PNKD: variants seen among roughly 807,000 people sequenced by gnomAD.
PNKD encodes the protein PNKD metallo-beta-lactamase domain containing, also known as probable thioesterase PNKD.
PNKD carries 36 observed loss-of-function variants against 45.3 expected under a neutral mutation model. The observed-to-expected ratio is 0.80, with a 90% CI of 0.61 to 1.05. PNKD has a LOEUF of 1.05. Among genes scored for constraint, PNKD ranks in the 50% least tolerant of loss-of-function variants. The pLI is 0.00. For synonymous variants in PNKD, 197 were observed against 210.1 expected, an observed-to-expected ratio of 0.94 and a Z score of 0.54; for missense variants, 511 against 506.6, an observed-to-expected ratio of 1.01 and a Z score of -0.08.
At position 218,345,038 on chromosome 2, in the gene PNKD, A is replaced by G; in HGVS notation, c.*57A>G. On this transcript the variant is annotated 3_prime_UTR_variant, in exon 10 of 10. Transcript: ENST00000273077. ...CCGCATGGGGAGGCCGCCACCACCA[A>G]CACCTCATCATCCTTCTCATCGCTA... The G allele has an allele frequency of 7.5e-7, 1 of 1,337,958 alleles. No homozygotes were observed. The highest frequency in any genetic ancestry group is 1.0e-6 in the Non-Finnish European group (1 of 953,524). 82.9% of individuals were successfully genotyped at this position (1,337,958 alleles called of 1,614,324 possible).
chr2:218,321,346 A>C (rs1693979109), intron 2 of PNKD, among the ~76,000 whole-genome samples: 2 of 152,146 alleles, frequency 1.3e-5, no homozygotes, highest in African/African-American at 4.8e-5. Context: ...TTGGCTTATC[A>C]GTTTTCTCAC....
chr2:218,303,888 T>G (rs1402827288), intron 2 of PNKD, among the ~76,000 whole-genome samples: 1 of 151,626 alleles, frequency 6.6e-6, no homozygotes, highest in African/African-American at 2.4e-5. Context: ...CCGCACTTCT[T>G]TGGTTTCATT....
chr2:218,308,932 C>T (rs1693506386), intron 2 of PNKD, among the ~76,000 whole-genome samples: 1 of 151,998 alleles, frequency 6.6e-6, no homozygotes. Flanking sequence ...TTCTCTCTCT[C>T]TTTCTCTCTT....
chr2:218,276,988 C>T (rs1398747904), intron 2 of PNKD: 3 of 1,607,832 alleles, frequency 1.9e-6, no homozygotes, highest in South Asian at 1.1e-5. Flanking sequence ...GACCCCAGCT[C>T]TCCTGGGACA....
At chr2:218,334,438 G>T (rs1392947856) in intron 2 of PNKD, among the ~76,000 whole-genome samples, 1 of 152,078 alleles carries the variant, frequency 6.6e-6, no homozygotes, top group Non-Finnish European at 1.5e-5. Context: ...CATTTGAAGA[G>T]TAGAGCCTGG....
intron 2 of PNKD, chr2:218,272,874 C>T (rs1690906669): frequency 4.4e-6 from 7 of 1,595,268 alleles, no homozygotes; most frequent in Non-Finnish European, 6.0e-6. Context: ...AGGCTGTTGC[C>T]AAACCCTACC....
chr2:218,342,008 C>T lies in PNKD; in HGVS notation c.645C>T (p.Ser215=), dbSNP rs373992679. 1.5e-5 allele frequency: 24 copies of T among 1,613,388 alleles called. No homozygotes were observed. The African/African-American group carries it at 1.9e-4, about 13-fold the overall frequency. ...CCCTGTGTCATCAAGATGTGGTCAG[C>T]GTGGGACGGCTTCAGATCCGGGCCC... ...THPLCHQDVV[S]VGRLQIRALA... is the part of the protein sequence containing the mutation. The change falls in exon 7 of 10, where the codon AGC becomes AGT. Residue 215 remains serine (S), a synonymous_variant. Coordinates refer to ENST00000273077, the MANE Select transcript of PNKD (RefSeq NM_015488.5).
Position 218,281,958 on chromosome 2 carries a change from G to A in PNKD, c.236+10409G>A, listed in dbSNP as rs749253010. The A allele has an allele frequency of 1.2e-5, 19 of 1,600,260 alleles. No individual in the cohort carries two copies. The Admixed American group carries it at 3.2e-4, about 27-fold the overall frequency. On this transcript the variant is annotated intron_variant, in intron 2 of 9. Transcript: ENST00000273077. ...GACTCACCGTAGTTCATGGGCATCG[G>A]GTGGGTGGGGGGCATGGGCTGTGGG...
intron 2 of PNKD, chr2:218,279,327 C>T: frequency 6.3e-7 from 1 of 1,588,460 alleles, no homozygotes; most frequent in Non-Finnish European, 8.6e-7. Context: ...CAGTGATGAG[C>T]AGCTGCACGG....
At chr2:218,312,055 CTT>C (rs905841710) in intron 2 of PNKD, among the ~76,000 whole-genome samples, 3 of 152,226 alleles carry the variant, frequency 2.0e-5, no homozygotes, top group African/African-American at 7.2e-5. Flanking sequence ...GTCCATTAAA[CTT>C]TGATTCATTA....
chr2:218,285,022 G>A (rs1351434257), intron 2 of PNKD, among the ~76,000 whole-genome samples: 3 of 152,138 alleles, frequency 2.0e-5, no homozygotes, highest in South Asian at 2.1e-4. Flanking sequence ...CCTGGGAGGC[G>A]GAGATTCCAG....
intron 2 of PNKD, among the ~76,000 whole-genome samples, chr2:218,311,569 T>C (rs1024296990): frequency 2.0e-5 from 3 of 152,244 alleles, no homozygotes; most frequent in Non-Finnish European, 4.4e-5. Context: ...GCTAGATTTA[T>C]GTTTCTCTTT....
chr2:218,272,822 C>A, intron 2 of PNKD: 1 of 1,612,392 alleles, frequency 6.2e-7, no homozygotes, highest in Non-Finnish European at 8.5e-7. Context: ...GCCCAGATTC[C>A]AGTTCGTGCC....
chr2:218,344,360 G>A, intron 8 of PNKD, 95 bp from the exon 9 acceptor site: 1 of 863,500 alleles, frequency 1.2e-6, no homozygotes. Flanking sequence ...TAGTTGTCAG[G>A]TGCCCATCAG....
rs1694698298 is a variant in PNKD at position 218,342,142 on chromosome 2, G to C, written c.779G>C (p.Cys260Ser). The change falls in exon 7 of 10, where the codon TGT becomes TCT. Residue 260 changes from cysteine to serine, a missense_variant and splice_region_variant. Coordinates refer to ENST00000273077, the MANE Select transcript of PNKD (RefSeq NM_015488.5). ...FSGDLLFLSG[C>S]GRTFEGNAET... ...GGGGACCTGCTCTTCCTCTCTGGCT[G>C]TGGTGAGTTTCCCCGAAAGAGAGAG... is the stretch of plus-strand genomic sequence containing the variant. 3 of 1,612,492 alleles carry C rather than the reference G, an allele frequency of 1.9e-6. No homozygotes were observed. The South Asian group carries it at 3.3e-5, about 18-fold the overall frequency.
At chr2:218,296,424 G>C (rs1447244565) in intron 2 of PNKD, among the ~76,000 whole-genome samples, 2 of 152,136 alleles carry the variant, frequency 1.3e-5, no homozygotes, top group Non-Finnish European at 2.9e-5. Context: ...GGTGGGAGGG[G>C]GTGGTGGCAG....
rs10675061 is a variant in PNKD at position 218,289,625 on chromosome 2, G to GAAAAA, written c.236+18093_236+18097dup. On this transcript the variant is annotated intron_variant, in intron 2 of 9. Coordinates refer to ENST00000273077, the MANE Select transcript of PNKD (RefSeq NM_015488.5). Reference sequence around the variant, plus strand: ...CCACTGCACTCCAGCCTGGGCGACAGAAAAAAAAAAAAAAAAAAAAACTGA... The same window carrying GAAAAA: ...CCACTGCACTCCAGCCTGGGCGACAGAAAAAAAAAAAAAAAAAAAAAAAAAACTGA... Among the ~76,000 whole-genome samples the GAAAAA allele has an allele frequency of 1.8e-4, 16 of 87,740 alleles. 5 individuals are homozygous for GAAAAA. Among genetic ancestry groups the GAAAAA allele is most frequent in the Admixed American group, 1.5e-4 (1 of 6,822 alleles). The allele number at this position is 87,740 out of a possible 152,430, so 57.6% of individuals were successfully genotyped here.
chr2:218,327,595 T>A (rs937336066), intron 2 of PNKD, among the ~76,000 whole-genome samples: 39 of 152,040 alleles, frequency 2.6e-4, no homozygotes, highest in African/African-American at 8.9e-4. Context: ...GTGGCTCTGA[T>A]CAAGTGTCCC....
At chr2:218,311,899 A>G (rs1693625791) in intron 2 of PNKD, among the ~76,000 whole-genome samples, 3 of 152,218 alleles carry the variant, frequency 2.0e-5, no homozygotes, top group Non-Finnish European at 2.9e-5. Context: ...ACAATACCCA[A>G]GCTTTCTTGG....
Sources: allele counts gnomAD v4.1 joint callset (sites outside exome capture counted in the v4.1 genomes callset), GRCh38; gene constraint gnomAD v4.1.1; transcripts MANE v1.5; gene names NCBI Gene and HGNC (gene_info 2026-07-23, HGNC 2026-07-21).